Variants in DYNC2LI1 observed in about 807,000 individuals in gnomAD.
DYNC2LI1 encodes dynein cytoplasmic 2 light intermediate chain 1, also known as cytoplasmic dynein 2 light intermediate chain 1.
DYNC2LI1 carries 45 observed loss-of-function variants against 51.9 expected under a neutral mutation model. The observed-to-expected ratio is 0.87, with a 90% CI of 0.68 to 1.11. The LOEUF (loss-of-function observed/expected upper bound fraction) is 1.11. DYNC2LI1 is among the 50% of genes most tolerant of loss of function. The probability of loss-of-function intolerance (pLI) is 0.00; values close to 1 mark genes in which losing one functional copy is unlikely to be tolerated. For missense variants in DYNC2LI1, 490 were observed against 417.4 expected, an observed-to-expected ratio of 1.17 and a Z score of -1.51; for synonymous variants, 130 against 137.8, an observed-to-expected ratio of 0.94 and a Z score of 0.40.
At chr2:43,822,187 T>A in the DYNC2LI1 span, among the ~76,000 whole-genome samples, 1 of 152,194 alleles carries the variant, frequency 6.6e-6, no homozygotes, top group South Asian at 2.1e-4. Context: ...CCTTCCCTTC[T>A]TGTAAACCTG....
downstream of DYNC2LI1, among the ~76,000 whole-genome samples, chr2:43,811,209 T>C (rs1324108952): frequency 3.3e-5 from 5 of 152,222 alleles, no homozygotes; most frequent in East Asian, 9.6e-4. Context: ...TCCAGAATTG[T>C]CTATAACTGA....
chr2:43,808,350 G>A (rs955071299), intron 12 of DYNC2LI1, among the ~76,000 whole-genome samples: 1 of 151,806 alleles, frequency 6.6e-6, no homozygotes, highest in African/African-American at 2.4e-5. Flanking sequence ...GTAACTTAGG[G>A]TATAGGTATG....
chr2:43,812,844 G>C, downstream of DYNC2LI1: 1 of 455,926 alleles, frequency 2.2e-6, no homozygotes, highest in Non-Finnish European at 4.0e-6. Context: ...GTCTCCCATA[G>C]GTTTATGAAT....
At chr2:43,777,388 T>G (rs1195800897) in intron 2 of DYNC2LI1, among the ~76,000 whole-genome samples, 2 of 152,192 alleles carry the variant, frequency 1.3e-5, no homozygotes, top group African/African-American at 4.8e-5. Context: ...CCCCACTTGT[T>G]GTAAGTCTCT....
At chr2:43,807,176 C>T (rs1048072749) in intron 12 of DYNC2LI1, among the ~76,000 whole-genome samples, 1 of 151,634 alleles carries the variant, frequency 6.6e-6, no homozygotes, top group African/African-American at 2.4e-5. Context: ...AAGTTGTTTC[C>T]AATTGTGTGC....
intron 5 of DYNC2LI1, among the ~76,000 whole-genome samples, chr2:43,791,585 A>C (rs1002501567): frequency 6.6e-6 from 1 of 152,162 alleles, no homozygotes; most frequent in African/African-American, 2.4e-5. Context: ...CTTGGGTCTA[A>C]AGTAGGTTGC....
In DYNC2LI1 at chr2:43,796,749, G is replaced by A. The variant is rs372370731; in HGVS notation, c.608G>A (p.Cys203Tyr). 15 of 1,613,526 alleles carry A rather than the reference G, an allele frequency of 9.3e-6. No individual in the cohort carries two copies. The highest frequency in any genetic ancestry group is 1.7e-5 in the Admixed American group (1 of 59,988). ...GAGTCTGAGAAGAGAAAGGTAATAT[G>A]CAAGACACTTCGATTTGTTGCACAT... The part of the protein sequence containing the change: ...DFESEKRKVI[C>Y]KTLRFVAHYY... Residue 203 changes from cysteine to tyrosine, a missense_variant, in exon 8 of 13, where the codon TGC (cysteine) becomes TAC (tyrosine). Cys to Tyr is a radical substitution (Grantham distance 194). Transcript: ENST00000260605.
intron 10 of DYNC2LI1, 119 bp downstream of exon 10, chr2:43,801,828 A>C: frequency 2.9e-6 from 2 of 685,240 alleles, no homozygotes; most frequent in South Asian, 4.0e-5. Flanking sequence ...CATTGCTGTT[A>C]TTTCCTGTGT....
At chr2:43,804,618 TTG>T (rs778911539) in intron 10 of DYNC2LI1, 22 bp from the exon 11 acceptor site, 6 of 1,443,698 alleles carry the variant, frequency 4.2e-6, no homozygotes, top group Non-Finnish European at 5.7e-6. Flanking sequence ...TTGCAGTCAT[TTG>T]TGGTAAAACT....
At chr2:43,824,547 T>G in the DYNC2LI1 span, 1 of 1,588,410 alleles carries the variant, frequency 6.3e-7, no homozygotes, top group Non-Finnish European at 8.5e-7. Context: ...CAAGATAAAA[T>G]TTGTGGTTAA....
At position 43,777,507 on chromosome 2, in the gene DYNC2LI1, G is replaced by A. The variant is rs146326758; in HGVS notation, c.126+608G>A. Among the ~76,000 whole-genome samples, 240 of 152,350 alleles carry A rather than the reference G, an allele frequency of 1.6e-3. 2 individuals carry two copies. The South Asian group carries it at 0.019, about 12-fold the overall frequency. Reference sequence around the variant, plus strand: ...GCCTGGCCCACAAAGTTCCTGCCAGGAAGGCAAAATGACTGGTGACACAAA... The same window carrying A: ...GCCTGGCCCACAAAGTTCCTGCCAGAAAGGCAAAATGACTGGTGACACAAA... On this transcript the variant is annotated intron_variant, in intron 2 of 12. Transcript: ENST00000260605.
chr2:43,810,717 G>C (rs1354409519), downstream of DYNC2LI1, among the ~76,000 whole-genome samples: 3 of 152,140 alleles, frequency 2.0e-5, no homozygotes, highest in African/African-American at 7.2e-5. Context: ...GTATGGTTCT[G>C]ACACCCTTGA....
chr2:43,820,532 A>T, the DYNC2LI1 span, among the ~76,000 whole-genome samples: 2 of 152,168 alleles, frequency 1.3e-5, no homozygotes, highest in African/African-American at 4.8e-5. Flanking sequence ...CATCTCTGTT[A>T]TATGGGATTA....
At chr2:43,809,053 A>G (rs1385590568) in intron 12 of DYNC2LI1, among the ~76,000 whole-genome samples, 1 of 151,782 alleles carries the variant, frequency 6.6e-6, no homozygotes, top group African/African-American at 2.4e-5. Flanking sequence ...CAGTGGCGCA[A>G]TCACAGTTTA....
chr2:43,778,529 A>G (rs1183825398), intron 2 of DYNC2LI1, among the ~76,000 whole-genome samples: 2 of 152,218 alleles, frequency 1.3e-5, no homozygotes, highest in African/African-American at 2.4e-5. Context: ...AGTTTCCTAC[A>G]TTGTATCTTA....
At chr2:43,817,964 TA>T in the DYNC2LI1 span, among the ~76,000 whole-genome samples, 1 of 152,214 alleles carries the variant, frequency 6.6e-6, no homozygotes, top group East Asian at 1.9e-4. Flanking sequence ...CACCAAACAT[TA>T]CAGCTTAGCC....
At chr2:43,807,712 C>A (rs1666315736) in intron 12 of DYNC2LI1, among the ~76,000 whole-genome samples, 1 of 131,958 alleles carries the variant, frequency 7.6e-6, no homozygotes, top group East Asian at 2.1e-4. Context: ...AGCCACTGTG[C>A]CCAGCTTCTT....
chr2:43,825,596 G>C, the DYNC2LI1 span, among the ~76,000 whole-genome samples: 1 of 151,066 alleles, frequency 6.6e-6, no homozygotes, highest in Non-Finnish European at 1.5e-5. Context: ...ATTTGTTGTT[G>C]TTTTGTTGTT....
chr2:43,775,587 T>TC (rs1306092591), intron 1 of DYNC2LI1: 10 of 258,086 alleles, frequency 3.9e-5, no homozygotes, highest in African/African-American at 2.4e-4. Flanking sequence ...AGCCTCGACC[T>TC]CCAGGGCTCA....
Sources: gnomAD v4.1 joint callset for allele counts (sites outside exome capture counted in the v4.1 genomes callset) on GRCh38, gnomAD v4.1.1 for gene constraint, MANE v1.5 for transcripts, NCBI Gene and HGNC (gene_info 2026-07-23, HGNC 2026-07-21) for gene names.